The following IPO8 variants were observed in gnomAD, a reference collection of about 807,000 sequenced individuals.
IPO8 encodes the protein importin-8.
IPO8 carries 65 observed loss-of-function variants against 141.2 expected under a neutral mutation model. The observed-to-expected ratio is 0.46, with a 90% CI of 0.38 to 0.57. The LOEUF (loss-of-function observed/expected upper bound fraction) is 0.57, where lower values mean the gene tolerates loss of function less well. Among genes scored for constraint, IPO8 ranks in the 20% least tolerant of loss-of-function variants. IPO8 has a pLI of 0.00. For synonymous variants in IPO8, 411 were observed against 420.3 expected (o/e 0.98, Z 0.27); for missense variants, 980 against 1,246.8 (o/e 0.79, Z 3.22).
intron 16 of IPO8, among the ~76,000 whole-genome samples, chr12:30,658,655 A>C (rs1004012110): frequency 6.6e-6 from 1 of 152,164 alleles, no homozygotes; most frequent in Non-Finnish European, 1.5e-5. Flanking sequence ...AAACTGGATA[A>C]GGTGATTTCT....
chr12:30,674,318 A>T (rs1401632907), intron 7 of IPO8, among the ~76,000 whole-genome samples: 1 of 152,226 alleles, frequency 6.6e-6, no homozygotes, highest in Non-Finnish European at 1.5e-5. Context: ...AAGGGTGAAT[A>T]TTGGAAATTA....
intron 3 of IPO8, among the ~76,000 whole-genome samples, chr12:30,682,163 G>T (rs1398008042): frequency 6.6e-6 from 1 of 151,952 alleles, no homozygotes; most frequent in Non-Finnish European, 1.5e-5. Flanking sequence ...TCATATTTTG[G>T]TTACCATATC....
At position 30,630,797 on chromosome 12, in the gene IPO8, C is replaced by T. The variant is rs746916482; in HGVS notation, c.*63G>A. The stretch of plus-strand genomic sequence containing the variant: ...CAGCCCCTCATTTCATCCCCTTGAC[C>T]CTCACACTCCTCTTGTGAAATAAAA... On this transcript the variant is annotated 3_prime_UTR_variant, in exon 25 of 25. Transcript: ENST00000256079. 10 of 1,351,230 alleles carry T rather than the reference C, an allele frequency of 7.4e-6. No individual in the cohort carries two copies. The highest frequency in any genetic ancestry group is 5.8e-5 in the African/African-American group (4 of 69,384). 83.7% of individuals were successfully genotyped at this position (1,351,230 alleles called of 1,614,324 possible).
chr12:30,683,102 T>C (rs1324223977), intron 3 of IPO8, among the ~76,000 whole-genome samples: 1 of 152,304 alleles, frequency 6.6e-6, no homozygotes, highest in Admixed American at 6.5e-5. Context: ...AAGCAAAGGA[T>C]GGTTATGAAA....
intron 10 of IPO8, among the ~76,000 whole-genome samples, chr12:30,667,414 A>T (rs1434805528): frequency 6.6e-6 from 1 of 152,224 alleles, no homozygotes; most frequent in East Asian, 1.9e-4. Flanking sequence ...ATCAAAAAAC[A>T]TTATTGGGGG....
intron 24 of IPO8, 195 bp downstream of exon 24, chr12:30,631,700 G>A: frequency 2.0e-6 from 1 of 494,814 alleles, no homozygotes; most frequent in South Asian, 2.6e-5. Context: ...ACATATTAAT[G>A]TGCAGGTTTT....
At chr12:30,676,868 T>C (rs1411424083) in intron 5 of IPO8, 1 of 1,379,504 alleles carries the variant, frequency 7.2e-7, no homozygotes, top group Non-Finnish European at 1.0e-6. Context: ...CAGCATGAGA[T>C]TCTAAGTGAG....
chr12:30,653,355 GT>G (rs1223676436), intron 17 of IPO8, among the ~76,000 whole-genome samples: 2 of 151,788 alleles, frequency 1.3e-5, no homozygotes, highest in African/African-American at 4.8e-5. Flanking sequence ...AAAAAATAAA[GT>G]TTTTTTCTAT....
intron 5 of IPO8, among the ~76,000 whole-genome samples, chr12:30,678,438 T>G (rs1032888806): frequency 6.6e-6 from 1 of 152,170 alleles, no homozygotes; most frequent in Non-Finnish European, 1.5e-5. Context: ...CTTTCAGTAT[T>G]TGGTACAGTA....
intron 20 of IPO8, among the ~76,000 whole-genome samples, chr12:30,645,764 T>G (rs1369110649): frequency 1.3e-5 from 2 of 151,522 alleles, no homozygotes; most frequent in East Asian, 3.9e-4. Flanking sequence ...CGTTGAAAAA[T>G]TCCAAGATGC....
chr12:30,676,419 G>T, intron 6 of IPO8, 79 bp downstream of exon 6: 2 of 751,724 alleles, frequency 2.7e-6, no homozygotes, highest in Non-Finnish European at 4.4e-6. Flanking sequence ...TCAAAGAGCA[G>T]TCAGGGATAA....
At chr12:30,634,941 G>A (rs2052481350) in intron 22 of IPO8, among the ~76,000 whole-genome samples, 2 of 152,090 alleles carry the variant, frequency 1.3e-5, no homozygotes, top group Non-Finnish European at 2.9e-5. Context: ...ATCAACAACG[G>A]ATGAATAAAG....
intron 20 of IPO8, among the ~76,000 whole-genome samples, chr12:30,642,184 A>G (rs1233318785): frequency 6.6e-6 from 1 of 152,144 alleles, no homozygotes; most frequent in Non-Finnish European, 1.5e-5. Context: ...CCTGGGGTAC[A>G]AGAGCGAGAC....
At chr12:30,690,724 TA>T (rs2053284055) in intron 1 of IPO8, 147 bp from the exon 2 acceptor site, 4 of 515,612 alleles carry the variant, frequency 7.8e-6, no homozygotes, top group Non-Finnish European at 1.4e-5. Context: ...TGAAGATTAC[TA>T]AAATACTTCA....
rs1187579984 is a variant in IPO8, at chr12:30,629,204, G to A, written c.*1656C>T. ...CAAAATAAAATCTCAAAAATCACAT[G>A]CCTTTTACAATCCAGTGTGAAGGCA... On this transcript the variant is annotated 3_prime_UTR_variant, in exon 25 of 25. Coordinates refer to ENST00000256079, the MANE Select transcript of IPO8 (RefSeq NM_006390.4). 6.6e-6 allele frequency: 1 copy of A among 152,136 alleles called. No individual in the cohort carries two copies. Among genetic ancestry groups the A allele is most frequent in the Admixed American group, 6.6e-5 (1 of 15,260 alleles). 9.4% of individuals were successfully genotyped at this position (152,136 alleles called of 1,614,324 possible).
At chr12:30,681,915 T>A in intron 3 of IPO8, 98 bp from the exon 4 acceptor site, 1 of 991,792 alleles carries the variant, frequency 1.0e-6, no homozygotes, top group South Asian at 1.8e-5. Context: ...TATCTTCTAT[T>A]TACGTGTATT....
At chr12:30,675,701 G>A (rs7315859) in intron 6 of IPO8, among the ~76,000 whole-genome samples, 39,038 of 150,620 alleles carry the variant, frequency 0.26, 5,660 homozygotes, top group African/African-American at 0.37. Context: ...AAAATTAGCC[G>A]GGCGTGGTGG....
chr12:30,680,762 T>C (rs2053181064), intron 4 of IPO8, 124 bp from the exon 5 acceptor site: 2 of 744,926 alleles, frequency 2.7e-6, no homozygotes, highest in Admixed American at 3.4e-5. Context: ...CATTGGCTTC[T>C]AGTTTGTTTG....
intron 2 of IPO8, among the ~76,000 whole-genome samples, chr12:30,689,232 T>C (rs763466905): frequency 3.9e-5 from 6 of 152,166 alleles, no homozygotes; most frequent in Non-Finnish European, 7.4e-5. Context: ...AATGTTTCCA[T>C]GTCATTAAAG....
Sources: gnomAD v4.1 joint callset for allele counts (sites outside exome capture counted in the v4.1 genomes callset) on GRCh38, gnomAD v4.1.1 for gene constraint, MANE v1.5 for transcripts, NCBI Gene and HGNC (gene_info 2026-07-23, HGNC 2026-07-21) for gene names.